DENND2B: variants seen among roughly 807,000 people sequenced by gnomAD.
The protein encoded by DENND2B is DENN domain containing 2B, also known as DENN domain-containing protein 2B.
Under a neutral mutation model 116.0 loss-of-function variants are expected in DENND2B, and 32 were observed. The observed-to-expected ratio is 0.28, with a 90% confidence interval of 0.21 to 0.37. DENND2B has a LOEUF of 0.37. Among genes scored for constraint, DENND2B ranks in the 10% least tolerant of loss-of-function variants. The pLI, the probability that DENND2B is intolerant of heterozygous loss-of-function variation, is 1.00. For missense variants in DENND2B, 1,276 were observed against 1,477.7 expected, an observed-to-expected ratio of 0.86 and a Z score of 2.24; for synonymous variants, 588 against 583.9, an observed-to-expected ratio of 1.01 and a Z score of -0.10.
intron 4 of DENND2B, 200 bp from the exon 5 acceptor site, chr11:8,718,092 ACCCACCCCCCCACCCCCCCCAACC>A (rs2045317763): frequency 2.0e-5 from 5 of 251,712 alleles, no homozygotes; most frequent in African/African-American, 3.2e-5. Flanking sequence ...CCAGAAGCAG[ACCCACCCCCCCACCCCCCCCAACC>A]CCCCACCCCC....
intron 1 of DENND2B, among the ~76,000 whole-genome samples, chr11:8,777,363 T>C (rs551049242): frequency 2.0e-5 from 3 of 152,258 alleles, no homozygotes; most frequent in South Asian, 2.1e-4. Context: ...GGGAGACAAA[T>C]GTTGCTATAT....
chr11:8,829,559 T>G (rs1490463826), intron 4 of DENND2B, among the ~76,000 whole-genome samples: 1 of 152,174 alleles, frequency 6.6e-6, no homozygotes, highest in Non-Finnish European at 1.5e-5. Flanking sequence ...AAAACAATTC[T>G]GAGGAGCTGA....
At chr11:8,698,089 T>C in intron 16 of DENND2B, 1 of 231,290 alleles carries the variant, frequency 4.3e-6, no homozygotes, top group Non-Finnish European at 8.2e-6. Context: ...TGCAGTGTCA[T>C]GACTGTACCA....
chr11:8,898,588 G>A (rs555286859), intron 1 of DENND2B, among the ~76,000 whole-genome samples: 12 of 152,182 alleles, frequency 7.9e-5, no homozygotes, highest in African/African-American at 2.9e-4. Flanking sequence ...TTAAAACAGC[G>A]ATCAGCAAAC....
At chr11:8,700,162 A>G in intron 14 of DENND2B, 1 of 368,668 alleles carries the variant, frequency 2.7e-6, no homozygotes, top group South Asian at 2.0e-5. Flanking sequence ...CTTAGGGGCC[A>G]CTAAGGTCAG....
rs765050471 is a variant in DENND2B, at chr11:8,776,154, GCGCGCGCACACA to G, written c.-25-25441_-25-25430del. 2.3e-4 allele frequency: 66 copies of G among 288,924 alleles called. No individual in the cohort carries two copies. The East Asian group carries it at 4.7e-3, about 21-fold the overall frequency. The allele number at this position is 288,924 out of a possible 1,614,324, so 17.9% of individuals were successfully genotyped here. On this transcript the variant is annotated intron_variant, in intron 1 of 19. Coordinates refer to ENST00000313726, the MANE Select transcript of DENND2B (RefSeq NM_213618.2). ...CAGACACGCACGTGCGCGCACGCGC[GCGCGCGCACACA>G]CACACACACACACACACACACCTAC...
chr11:8,823,560 G>A (rs918689143), intron 4 of DENND2B, among the ~76,000 whole-genome samples: 2 of 152,198 alleles, frequency 1.3e-5, no homozygotes, highest in East Asian at 3.9e-4. Context: ...TTTCCCCCAC[G>A]CTGTTTTCAT....
intron 2 of DENND2B, among the ~76,000 whole-genome samples, chr11:8,734,351 C>T (rs372344832): frequency 3.0e-4 from 45 of 152,066 alleles, no homozygotes; most frequent in African/African-American, 1.1e-3. Flanking sequence ...TATGGCTAGC[C>T]AGTCAGTCTC....
chr11:8,763,982 G>C (rs1475129283), intron 1 of DENND2B, among the ~76,000 whole-genome samples: 1 of 152,186 alleles, frequency 6.6e-6, no homozygotes, highest in Non-Finnish European at 1.5e-5. Context: ...CCAGCACTTT[G>C]GGAGGCCGAG....
intron 3 of DENND2B, among the ~76,000 whole-genome samples, chr11:8,853,528 G>A (rs2063085425): frequency 6.6e-6 from 1 of 152,126 alleles, no homozygotes; most frequent in African/African-American, 2.4e-5. Flanking sequence ...ATACATTTTT[G>A]TTGTTCACAA....
upstream of DENND2B, among the ~76,000 whole-genome samples, chr11:8,814,661 G>A (rs1288573762): frequency 6.6e-6 from 1 of 152,134 alleles, no homozygotes; most frequent in Non-Finnish European, 1.5e-5. Context: ...GTGTAATTAT[G>A]CATTTATACA....
At chr11:8,822,137 G>A (rs2061790048) in intron 4 of DENND2B, among the ~76,000 whole-genome samples, 1 of 152,032 alleles carries the variant, frequency 6.6e-6, no homozygotes, top group Non-Finnish European at 1.5e-5. Flanking sequence ...TAGGTGGTGG[G>A]TCACTTAAAC....
At chr11:8,718,815 A>C in intron 4 of DENND2B, 1 of 999,630 alleles carries the variant, frequency 1.0e-6, no homozygotes. Context: ...GTTGAGTGGC[A>C]CTCCTTTCCA....
chr11:8,886,850 C>T (rs1281292879), intron 1 of DENND2B, among the ~76,000 whole-genome samples: 1 of 151,932 alleles, frequency 6.6e-6, no homozygotes, highest in Non-Finnish European at 1.5e-5. Flanking sequence ...GGGGTGTAGA[C>T]AGAGTTTCAC....
chr11:8,734,401 T>G lies in DENND2B; in HGVS notation c.81-3192A>C, dbSNP rs2133948406. On this transcript the variant is annotated intron_variant, in intron 2 of 19. Transcript: ENST00000313726. ...ACATCACAGCCTTGGGGTTCAAGTT[T>G]CAGTGTAGCCACTTATAAGCTTCAT... Among the ~76,000 whole-genome samples, 2 of 152,316 alleles carry G rather than the reference T, an allele frequency of 1.3e-5. 1 individual carries two copies. The highest frequency in any genetic ancestry group is 4.1e-4 in the South Asian group (2 of 4,828).
At position 8,715,594 on chromosome 11, in the gene DENND2B, G is replaced by A; in HGVS notation, c.1845+9C>T. The stretch of plus-strand genomic sequence containing the variant: ...CCCGGCTCCAGTGGGCTGCCTCTGG[G>A]GAGGGTACCTTGGGAATGCGGCGGG... On this transcript the variant is annotated intron_variant, in intron 6 of 19. Coordinates refer to ENST00000313726, the MANE Select transcript of DENND2B (RefSeq NM_213618.2). The A allele has an allele frequency of 5.0e-6, 8 of 1,611,668 alleles. No homozygotes were observed. The highest frequency in any genetic ancestry group is 1.1e-5 in the South Asian group (1 of 90,922).
intron 1 of DENND2B, among the ~76,000 whole-genome samples, chr11:8,773,906 A>T (rs1015376015): frequency 2.0e-5 from 3 of 152,210 alleles, no homozygotes; most frequent in Non-Finnish European, 4.4e-5. Context: ...TAACATTTAT[A>T]AAAAATAATG....
intron 17 of DENND2B, 112 bp from the exon 18 acceptor site, chr11:8,696,778 C>A: frequency 1.3e-6 from 2 of 1,481,584 alleles, no homozygotes; most frequent in Non-Finnish European, 9.1e-7. Flanking sequence ...CAGTACCACT[C>A]TTCTGTTCTG....
chr11:8,721,234 C>T (rs773481268), intron 4 of DENND2B, among the ~76,000 whole-genome samples: 8 of 151,998 alleles, frequency 5.3e-5, no homozygotes, highest in Non-Finnish European at 1.0e-4. Flanking sequence ...AGAATCCAGC[C>T]CCTCTGGGCC....
Sources: allele counts gnomAD v4.1 joint callset (sites outside exome capture counted in the v4.1 genomes callset), GRCh38; gene constraint gnomAD v4.1.1; transcripts MANE v1.5; gene names NCBI Gene and HGNC (gene_info 2026-07-23, HGNC 2026-07-21).